KLRG1: variants seen among roughly 807,000 people sequenced by gnomAD.
KLRG1 encodes the protein killer cell lectin like receptor G1, also known as killer cell lectin-like receptor subfamily G member 1.
Under a neutral mutation model 21.8 loss-of-function variants are expected in KLRG1, and 16 were observed. That is an observed-to-expected ratio of 0.73 (90% CI 0.50 to 1.11). The LOEUF (loss-of-function observed/expected upper bound fraction) is 1.11. Ranked by LOEUF, KLRG1 falls within the 50% of genes most tolerant of loss-of-function variation. The pLI is 0.00. For synonymous variants in KLRG1, 69 were observed against 75.9 expected (o/e 0.91, Z 0.47); for missense variants, 173 against 218.3 (o/e 0.79, Z 1.31).
the KLRG1 span, among the ~76,000 whole-genome samples, chr12:9,024,159 C>T: frequency 1.3e-5 from 2 of 149,980 alleles, no homozygotes; most frequent in African/African-American, 4.9e-5. Context: ...TCCTGAGTAG[C>T]TGGGATCACA....
chr12:9,077,844 C>T, the KLRG1 span: 1 of 1,614,126 alleles, frequency 6.2e-7, no homozygotes, highest in Middle Eastern at 1.6e-4. Context: ...GTCTTCAGAA[C>T]AAAGGCTGTG....
the KLRG1 span, among the ~76,000 whole-genome samples, chr12:9,163,082 G>A: frequency 6.6e-6 from 1 of 152,106 alleles, no homozygotes; most frequent in East Asian, 1.9e-4. Context: ...GAACCAGGGA[G>A]GGTGGTAGAG....
chr12:9,164,060 A>C, the KLRG1 span: 1 of 1,491,622 alleles, frequency 6.7e-7, no homozygotes, highest in East Asian at 2.3e-5. Context: ...AAAAGAGAGA[A>C]TATGATGAAA....
chr12:9,197,235 G>C, the KLRG1 span: 5 of 684,634 alleles, frequency 7.3e-6, no homozygotes, highest in African/African-American at 7.5e-5. Flanking sequence ...TTATCATCTG[G>C]GTGCCCACCA....
At chr12:9,190,514 G>A in the KLRG1 span, among the ~76,000 whole-genome samples, 1 of 152,038 alleles carries the variant, frequency 6.6e-6, no homozygotes, top group Non-Finnish European at 1.5e-5. Context: ...GGCGGGAGGA[G>A]GGAGAGCAGA....
chr12:9,069,705 T>C, the KLRG1 span: 1 of 1,527,686 alleles, frequency 6.5e-7, no homozygotes, highest in Admixed American at 1.7e-5. Flanking sequence ...AGAGGATTAT[T>C]ATCTACGTTT....
At chr12:9,184,541 C>A in the KLRG1 span, among the ~76,000 whole-genome samples, 6 of 152,232 alleles carry the variant, frequency 3.9e-5, no homozygotes, top group Non-Finnish European at 7.3e-5. Context: ...CCTGCTAGCA[C>A]CCTGCCACAG....
the KLRG1 span, among the ~76,000 whole-genome samples, chr12:9,138,052 A>G: frequency 6.6e-6 from 1 of 151,996 alleles, no homozygotes; most frequent in Non-Finnish European, 1.5e-5. Flanking sequence ...CTTTGGTTCT[A>G]TATTGAATAA....
the KLRG1 span, among the ~76,000 whole-genome samples, chr12:9,140,271 G>C: frequency 2.8e-3 from 431 of 152,266 alleles, 2 homozygotes; most frequent in African/African-American, 9.5e-3. Context: ...AGTAGGGGGG[G>C]GCCCAGGAAT....
At chr12:9,112,225 A>G in the KLRG1 span, 68 of 1,613,668 alleles carry the variant, frequency 4.2e-5, no homozygotes, top group Non-Finnish European at 5.8e-5. Context: ...AAACAGAAAT[A>G]TTTTTCATGA....
At chr12:9,165,983 A>G in the KLRG1 span, 2 of 1,518,482 alleles carry the variant, frequency 1.3e-6, no homozygotes, top group Non-Finnish European at 1.8e-6. Flanking sequence ...AGATTGTCTT[A>G]GAATTGAAAA....
At chr12:9,207,170 A>C in the KLRG1 span, among the ~76,000 whole-genome samples, 1 of 152,184 alleles carries the variant, frequency 6.6e-6, no homozygotes, top group Non-Finnish European at 1.5e-5. Flanking sequence ...AGGGTAACAC[A>C]CAGAGCAGAG....
the KLRG1 span, among the ~76,000 whole-genome samples, chr12:9,177,871 A>G: frequency 3.2e-4 from 49 of 152,330 alleles, 2 homozygotes; most frequent in East Asian, 6.4e-3. Context: ...TTCCTGTACT[A>G]CATGCTGAAA....
the KLRG1 span, among the ~76,000 whole-genome samples, chr12:9,159,734 C>A: frequency 1.3e-5 from 2 of 151,370 alleles, no homozygotes; most frequent in African/African-American, 4.9e-5. Context: ...AGAGTCCACA[C>A]CAGCAAGAAG....
the KLRG1 span, among the ~76,000 whole-genome samples, chr12:9,021,347 T>C: frequency 6.6e-6 from 1 of 152,152 alleles, no homozygotes; most frequent in Admixed American, 6.5e-5. Flanking sequence ...CTTAGCTTAC[T>C]GTAACTTGTT....
intron 1 of KLRG1, among the ~76,000 whole-genome samples, chr12:8,966,978 A>G (rs1347891682): frequency 6.7e-6 from 1 of 148,224 alleles, no homozygotes; most frequent in East Asian, 2.0e-4. Flanking sequence ...AATGTGGCAC[A>G]TATACACCAT....
chr12:9,212,980 C>T, the KLRG1 span, among the ~76,000 whole-genome samples: 4 of 152,100 alleles, frequency 2.6e-5, no homozygotes, highest in Non-Finnish European at 4.4e-5. Flanking sequence ...AATACTAATT[C>T]GTGCATTCTC....
chr12:9,018,886 A>G, the KLRG1 span, among the ~76,000 whole-genome samples: 1 of 152,172 alleles, frequency 6.6e-6, no homozygotes, highest in Non-Finnish European at 1.5e-5. Flanking sequence ...TTTCTTGAGT[A>G]ATACCCCACA....
At chr12:9,098,828 A>T in the KLRG1 span, 3 of 1,537,784 alleles carry the variant, frequency 2.0e-6, no homozygotes, top group Non-Finnish European at 2.7e-6. Flanking sequence ...GCATTTGCAG[A>T]GTGTTCCTCA....
Sources: gnomAD v4.1 joint callset for allele counts (sites outside exome capture counted in the v4.1 genomes callset) on GRCh38, gnomAD v4.1.1 for gene constraint, MANE v1.5 for transcripts, NCBI Gene and HGNC (gene_info 2026-07-23, HGNC 2026-07-21) for gene names.